Variants in XRN1 observed in about 807,000 individuals in gnomAD.
XRN1 encodes strand-exchange protein 1 homolog.
XRN1 carries 67 observed loss-of-function variants against 222.3 expected under a neutral mutation model. That is an observed-to-expected ratio of 0.30 (90% CI 0.25 to 0.37). The LOEUF is 0.37. Ranked by LOEUF, XRN1 falls within the 10% of genes least tolerant of loss-of-function variation. The probability of loss-of-function intolerance (pLI) is 1.00; values close to 1 mark genes in which losing one functional copy is unlikely to be tolerated. For missense variants in XRN1, 1,707 were observed against 2,000.2 expected (o/e 0.85, Z 2.80); for synonymous variants, 643 against 652.4 (o/e 0.99, Z 0.22).
intron 20 of XRN1, among the ~76,000 whole-genome samples, chr3:142,388,897 T>G (rs1005689687): frequency 4.6e-5 from 7 of 152,206 alleles, no homozygotes; most frequent in African/African-American, 1.7e-4. Context: ...GAAACCACTT[T>G]CATTGTTCAT....
chr3:142,386,445 GA>G (rs2067503684), intron 20 of XRN1, among the ~76,000 whole-genome samples: 1 of 151,962 alleles, frequency 6.6e-6, no homozygotes, highest in African/African-American at 2.4e-5. Flanking sequence ...GACAGCTGCG[GA>G]AAAAACATTT....
chr3:142,385,123 C>A (rs1439645629), intron 20 of XRN1, among the ~76,000 whole-genome samples: 2 of 152,268 alleles, frequency 1.3e-5, no homozygotes, highest in South Asian at 4.1e-4. Flanking sequence ...TCTAAGCATT[C>A]CAACCCCCCC....
chr3:142,363,102 G>T (rs2066699024), intron 29 of XRN1, among the ~76,000 whole-genome samples: 4 of 152,018 alleles, frequency 2.6e-5, no homozygotes, highest in African/African-American at 9.7e-5. Flanking sequence ...CTCTCTATGT[G>T]TTATTTAAGA....
chr3:142,375,103 A>G (rs1284623988), intron 25 of XRN1, among the ~76,000 whole-genome samples: 2 of 152,200 alleles, frequency 1.3e-5, no homozygotes, highest in African/African-American at 4.8e-5. Flanking sequence ...TTGTCCTGCA[A>G]TATCTCGATT....
chr3:142,441,691 C>T (rs2070221110), intron 1 of XRN1, among the ~76,000 whole-genome samples: 1 of 152,210 alleles, frequency 6.6e-6, no homozygotes, highest in Non-Finnish European at 1.5e-5. Context: ...TCTCAGACAA[C>T]CATTTACTTA....
intron 15 of XRN1, among the ~76,000 whole-genome samples, chr3:142,406,449 T>G (rs981030647): frequency 6.6e-6 from 1 of 152,212 alleles, no homozygotes; most frequent in African/African-American, 2.4e-5. Flanking sequence ...TTGGCAATAA[T>G]TTTTTGGATA....
intron 22 of XRN1, among the ~76,000 whole-genome samples, chr3:142,380,897 G>A (rs1559833181): frequency 6.6e-6 from 1 of 151,936 alleles, no homozygotes; most frequent in Non-Finnish European, 1.5e-5. Flanking sequence ...ATTTCCCCAC[G>A]CCCGCCTTGG....
At chr3:142,416,532 T>C (rs2068795521) in intron 13 of XRN1, among the ~76,000 whole-genome samples, 1 of 152,170 alleles carries the variant, frequency 6.6e-6, no homozygotes, top group Admixed American at 6.5e-5. Flanking sequence ...ACACAAAAAA[T>C]GTAAAGAGAA....
intron 33 of XRN1, among the ~76,000 whole-genome samples, chr3:142,336,110 T>C (rs1363680315): frequency 2.6e-5 from 4 of 152,120 alleles, no homozygotes; most frequent in African/African-American, 9.7e-5. Context: ...ATGAAAAGAA[T>C]GAATTTGAAA....
intron 20 of XRN1, among the ~76,000 whole-genome samples, chr3:142,385,162 T>A (rs1053891145): frequency 6.6e-6 from 1 of 152,056 alleles, no homozygotes; most frequent in Non-Finnish European, 1.5e-5. Flanking sequence ...CAAACAAATA[T>A]TGATACACAA....
chr3:142,439,997 T>A (rs1266103822), intron 1 of XRN1, among the ~76,000 whole-genome samples: 1 of 150,474 alleles, frequency 6.6e-6, no homozygotes, highest in Non-Finnish European at 1.5e-5. Flanking sequence ...GACGAAGGTC[T>A]CAGGAGACGA....
At chr3:142,414,321 T>C (rs1035076524) in intron 13 of XRN1, 30 bp from the exon 14 acceptor site, 2 of 1,502,578 alleles carry the variant, frequency 1.3e-6, no homozygotes, top group Non-Finnish European at 1.8e-6. Context: ...TTTAAACAAG[T>C]GGCATCTTTA....
Position 142,311,696 on chromosome 3 carries a change from GACTT to G in XRN1, c.4896_4899del (p.Ser1633HisfsTer9). The G allele has an allele frequency of 6.2e-7, 1 of 1,614,138 alleles. No homozygotes were observed. The highest frequency in any genetic ancestry group is 8.5e-7 in the Non-Finnish European group (1 of 1,180,006). On this transcript the variant is annotated frameshift_variant, in exon 41 of 41. Transcript: ENST00000392981. LOFTEE classifies it high-confidence loss of function. ...AAAGAAGCTGATGAGCTCTCCCGTG[GACTT>G]ACTTTGACAATGTTGGAAGAATCTG...
intron 39 of XRN1, among the ~76,000 whole-genome samples, chr3:142,314,583 A>T (rs1259839296): frequency 6.6e-6 from 1 of 152,066 alleles, no homozygotes; most frequent in Non-Finnish European, 1.5e-5. Flanking sequence ...AAAACATCAG[A>T]TCCATTACGT....
intron 29 of XRN1, among the ~76,000 whole-genome samples, chr3:142,362,963 CAG>C (rs1325536656): frequency 2.6e-5 from 4 of 151,810 alleles, no homozygotes; most frequent in African/African-American, 7.2e-5. Context: ...TTAGTAAAGA[CAG>C]AGTTTCACGT....
chr3:142,432,801 T>C lies in XRN1; in HGVS notation c.168A>G (p.Ser56=). Residue 56 remains serine, a synonymous_variant, in exon 2 of 41, where the codon TCA becomes TCG. Transcript: ENST00000392981. The part of the protein sequence containing the change: ...PNDDDVHFRI[S]DDKIFTDIFH... ...AAATATCAGTAAAGATTTTATCATC[T>C]GAAATTCTAAAGTGAACATCATCAT... 6.2e-7 allele frequency: 1 copy of C among 1,614,052 alleles called. No homozygotes were observed.
At chr3:142,423,295 C>T (rs181355594) in intron 6 of XRN1, among the ~76,000 whole-genome samples, 2 of 152,166 alleles carry the variant, frequency 1.3e-5, no homozygotes, top group East Asian at 3.9e-4. Context: ...AAGTTGGGCC[C>T]TTACCTTACA....
intron 15 of XRN1, chr3:142,407,725 T>A (rs2068398853): frequency 6.6e-6 from 1 of 152,254 alleles, no homozygotes; most frequent in Non-Finnish European, 1.5e-5. Context: ...CTTCTTTGTA[T>A]CATTCCAGTT....
intron 18 of XRN1, among the ~76,000 whole-genome samples, chr3:142,402,536 G>A (rs879361206): frequency 3.9e-5 from 6 of 152,096 alleles, no homozygotes; most frequent in Admixed American, 6.5e-5. Context: ...CACAAAATAC[G>A]TCTACTTTCT....
Sources: allele counts gnomAD v4.1 joint callset (sites outside exome capture counted in the v4.1 genomes callset), GRCh38; gene constraint gnomAD v4.1.1; transcripts MANE v1.5; gene names NCBI Gene and HGNC (gene_info 2026-07-23, HGNC 2026-07-21).